The following NBEA variants were observed in gnomAD, a reference collection of about 807,000 sequenced individuals.
NBEA encodes lysosomal-trafficking regulator 2.
A neutral mutation model predicts 343.4 loss-of-function variants in NBEA; 44 were observed. That is an observed-to-expected ratio of 0.13 (90% confidence interval 0.10 to 0.16). NBEA has a LOEUF of 0.16. Ranked by LOEUF, NBEA falls within the 10% of genes least tolerant of loss-of-function variation. The probability of loss-of-function intolerance (pLI) is 1.00; values close to 1 mark genes in which losing one functional copy is unlikely to be tolerated. For missense variants in NBEA, 2,555 were observed against 3,631.3 expected (o/e 0.70, Z 7.62); for synonymous variants, 1,175 against 1,238.7 (o/e 0.95, Z 1.08).
intron 1 of NBEA, among the ~76,000 whole-genome samples, chr13:34,958,782 A>G (rs895652588): frequency 6.6e-6 from 1 of 152,130 alleles, no homozygotes; most frequent in African/African-American, 2.4e-5. Context: ...ATAAAATTTG[A>G]TTTCCAAGAA....
chr13:35,419,658 T>A (rs2044153978), intron 38 of NBEA, among the ~76,000 whole-genome samples: 1 of 152,152 alleles, frequency 6.6e-6, no homozygotes, highest in Admixed American at 6.6e-5. Context: ...AACTCATCCA[T>A]TGGTTAATGA....
intron 34 of NBEA, among the ~76,000 whole-genome samples, chr13:35,271,329 C>G (rs2034130470): frequency 6.6e-6 from 1 of 152,178 alleles, no homozygotes; most frequent in African/African-American, 2.4e-5. Flanking sequence ...AAAAGGACAT[C>G]CACACCAAAA....
At position 35,362,077 on chromosome 13, in the gene NBEA, A is replaced by G. The variant is rs375271538; in HGVS notation, c.6179+9754A>G. Among the ~76,000 whole-genome samples the G allele has an allele frequency of 2.8e-4, 43 of 152,172 alleles. No individual in the cohort carries two copies. In the East Asian group the frequency reaches 4.2e-3, roughly 15 times the overall value. On this transcript the variant is annotated intron_variant, in intron 38 of 58. Coordinates refer to ENST00000379939, the MANE Select transcript of NBEA (RefSeq NM_001385012.1). Reference sequence around the variant, plus strand: ...ATGTTTTAAAACTTTAAAAAAATACATGGCCTGGGAAAGGTTTTATAGGTG... The same window carrying G: ...ATGTTTTAAAACTTTAAAAAAATACGTGGCCTGGGAAAGGTTTTATAGGTG...
chr13:35,256,653 C>G (rs2032634565), intron 34 of NBEA, among the ~76,000 whole-genome samples: 1 of 152,228 alleles, frequency 6.6e-6, no homozygotes, highest in Admixed American at 6.5e-5. Flanking sequence ...CTCTCAGCCT[C>G]CCTCCTGTGC....
At chr13:35,478,528 C>A (rs1178344411) in intron 41 of NBEA, among the ~76,000 whole-genome samples, 1 of 152,264 alleles carries the variant, frequency 6.6e-6, no homozygotes, top group Non-Finnish European at 1.5e-5. Context: ...CCGCCTCTCT[C>A]TCGCTGCTCC....
chr13:35,521,803 C>T (rs961661521), intron 41 of NBEA, among the ~76,000 whole-genome samples: 2 of 152,178 alleles, frequency 1.3e-5, no homozygotes, highest in Admixed American at 1.3e-4. Flanking sequence ...TAGGGACACA[C>T]CTCTGAGAGT....
At chr13:35,581,913 A>AC (rs2081065979) in intron 45 of NBEA, among the ~76,000 whole-genome samples, 1 of 151,470 alleles carries the variant, frequency 6.6e-6, no homozygotes, top group Admixed American at 6.6e-5. Context: ...AAGAAAAAAA[A>AC]AGAAAAATAT....
At chr13:35,577,129 G>A (rs1191982067) in intron 45 of NBEA, among the ~76,000 whole-genome samples, 1 of 152,144 alleles carries the variant, frequency 6.6e-6, no homozygotes, top group East Asian at 1.9e-4. Flanking sequence ...TGATGTCTTT[G>A]TAACCCCGCT....
intron 18 of NBEA, among the ~76,000 whole-genome samples, chr13:35,144,905 A>C (rs2068321035): frequency 6.6e-6 from 1 of 152,228 alleles, no homozygotes; most frequent in African/African-American, 2.4e-5. Context: ...AAAGATTCAT[A>C]GTAATAAGAG....
chr13:35,225,608 C>A (rs543988657), intron 33 of NBEA, among the ~76,000 whole-genome samples: 7 of 152,242 alleles, frequency 4.6e-5, no homozygotes, highest in Non-Finnish European at 7.4e-5. Flanking sequence ...TCGTTGCAAA[C>A]GCCCCTTGTG....
intron 41 of NBEA, among the ~76,000 whole-genome samples, chr13:35,526,461 C>T (rs2077980251): frequency 6.6e-6 from 1 of 152,160 alleles, no homozygotes; most frequent in Admixed American, 6.5e-5. Context: ...GCTTGGGCAA[C>T]ATGGTGAAAA....
At chr13:35,068,056 A>T (rs181140505) in intron 8 of NBEA, among the ~76,000 whole-genome samples, 10 of 152,198 alleles carry the variant, frequency 6.6e-5, no homozygotes, top group East Asian at 1.9e-4. Context: ...TATAAATTTA[A>T]AGACATAGAA....
chr13:35,534,836 A>C (rs1018731530), intron 41 of NBEA, among the ~76,000 whole-genome samples: 1 of 152,188 alleles, frequency 6.6e-6, no homozygotes, highest in Non-Finnish European at 1.5e-5. Context: ...TTTTTTGATG[A>C]ACAAATTATG....
At chr13:35,210,954 C>A in intron 32 of NBEA, 99 bp from the exon 33 acceptor site, 2 of 1,291,408 alleles carry the variant, frequency 1.5e-6, no homozygotes, top group Non-Finnish European at 2.1e-6. Flanking sequence ...TTTTGAAAAT[C>A]TGATGAGTAA....
chr13:35,214,811 A>G (rs1456608444), intron 33 of NBEA, among the ~76,000 whole-genome samples: 1 of 151,806 alleles, frequency 6.6e-6, no homozygotes, highest in Non-Finnish European at 1.5e-5. Flanking sequence ...CTTCTAAAAT[A>G]AAAGTTTTGT....
At chr13:35,589,361 G>T (rs2081424710) in intron 46 of NBEA, among the ~76,000 whole-genome samples, 1 of 152,132 alleles carries the variant, frequency 6.6e-6, no homozygotes, top group Non-Finnish European at 1.5e-5. Context: ...CGATAGTAGG[G>T]ATTCAGTTAA....
chr13:35,158,038 C>T (rs1477475639), intron 21 of NBEA, among the ~76,000 whole-genome samples: 1 of 152,082 alleles, frequency 6.6e-6, no homozygotes, highest in Non-Finnish European at 1.5e-5. Flanking sequence ...TCAACTCTGC[C>T]GTTCAGTGTG....
At chr13:35,394,401 T>C (rs1457187129) in intron 38 of NBEA, among the ~76,000 whole-genome samples, 1 of 152,230 alleles carries the variant, frequency 6.6e-6, no homozygotes, top group Non-Finnish European at 1.5e-5. Context: ...GCTTCAAGTA[T>C]ATATGTGATC....
chr13:34,959,420 A>G (rs994613548), intron 1 of NBEA, among the ~76,000 whole-genome samples: 1 of 152,116 alleles, frequency 6.6e-6, no homozygotes, highest in African/African-American at 2.4e-5. Context: ...ATAGATTCCA[A>G]TGGCAATGTA....
Sources: allele counts gnomAD v4.1 joint callset (sites outside exome capture counted in the v4.1 genomes callset), GRCh38; gene constraint gnomAD v4.1.1; transcripts MANE v1.5; gene names NCBI Gene and HGNC (gene_info 2026-07-23, HGNC 2026-07-21).